The following STK32B variants were observed in gnomAD, a reference collection of about 807,000 sequenced individuals.
The protein encoded by STK32B is serine/threonine kinase 32B.
In STK32B, 43 loss-of-function variants were observed where a neutral mutation model predicts 52.6. The ratio of observed to expected loss-of-function variants is 0.82; its 90% CI spans 0.64 to 1.05. The LOEUF is 1.05. Ranked by LOEUF, STK32B falls within the 50% of genes least tolerant of loss-of-function variation. The pLI, the probability that STK32B is intolerant of heterozygous loss-of-function variation, is 0.00. For missense variants in STK32B, 621 were observed against 534.6 expected (o/e 1.16, Z -1.59); for synonymous variants, 238 against 204.3 (o/e 1.17, Z -1.41).
upstream of STK32B, among the ~76,000 whole-genome samples, chr4:5,048,443 C>T (rs1741658360): frequency 6.6e-6 from 1 of 152,046 alleles, no homozygotes; most frequent in South Asian, 2.1e-4. Flanking sequence ...GTCACAGGTG[C>T]CTGCCACCAC....
intron 3 of STK32B, among the ~76,000 whole-genome samples, chr4:5,319,767 C>T (rs1035069770): frequency 2.0e-5 from 3 of 152,124 alleles, no homozygotes; most frequent in Non-Finnish European, 4.4e-5. Context: ...AATGTCTTCT[C>T]AGAATCCCTG....
At chr4:5,423,555 T>C (rs1252487224) in intron 6 of STK32B, among the ~76,000 whole-genome samples, 1 of 152,204 alleles carries the variant, frequency 6.6e-6, no homozygotes, top group Non-Finnish European at 1.5e-5. Context: ...AATAGTTCGA[T>C]AATTATTTAG....
chr4:5,184,658 A>C (rs1720600637), intron 3 of STK32B, among the ~76,000 whole-genome samples: 1 of 143,884 alleles, frequency 7.0e-6, no homozygotes, highest in African/African-American at 2.6e-5. Flanking sequence ...ACTGCATTCC[A>C]GCCTGGTGAC....
intron 11 of STK32B, among the ~76,000 whole-genome samples, chr4:5,472,339 A>T (rs1717909555): frequency 6.6e-6 from 1 of 152,196 alleles, no homozygotes; most frequent in South Asian, 2.1e-4. Context: ...ACCTCTCTGG[A>T]CCTTTGTTTC....
chr4:5,247,911 C>G lies in STK32B; in HGVS notation c.260+79461C>G, dbSNP rs147236278. ...TGCAGCTTTTCTTCTTGCATAGACC[C>G]AGGGCCTTGGCTCATCTCCTTGGGG... On this transcript the variant is annotated intron_variant, in intron 3 of 11. Coordinates refer to ENST00000282908, the MANE Select transcript of STK32B (RefSeq NM_018401.3). Among the ~76,000 whole-genome samples the G allele has an allele frequency of 5.0e-3, 757 of 152,290 alleles. 2 individuals are homozygous for G. The highest frequency in any genetic ancestry group is 6.9e-3 in the Non-Finnish European group (467 of 68,028).
rs148746617 is a variant in STK32B at position 5,100,578 on chromosome 4, C to T, written c.53-39327C>T. On this transcript the variant is annotated intron_variant, in intron 1 of 11. Coordinates refer to ENST00000282908, the MANE Select transcript of STK32B (RefSeq NM_018401.3). The stretch of plus-strand genomic sequence containing the variant: ...TCCTTCCTTCCTTCCTCCTCCCTTG[C>T]CTGCCTCCCTCCCTTCTTCCTTTCT... 3.6e-5 allele frequency among the ~76,000 whole-genome samples: 5 copies of T among 137,380 alleles called. No homozygotes were observed. The East Asian group carries it at 1.1e-3, about 31-fold the overall frequency. 90.1% of individuals were successfully genotyped at this position (137,380 alleles called of 152,430 possible). A position where few individuals can be genotyped will look rare whatever the true frequency, so the allele number is the denominator to read the frequency against.
At chr4:5,281,182 A>T (rs1728171322) in intron 3 of STK32B, among the ~76,000 whole-genome samples, 1 of 152,050 alleles carries the variant, frequency 6.6e-6, no homozygotes, top group Non-Finnish European at 1.5e-5. Flanking sequence ...AGCAAGGGGG[A>T]AATCTGTCCC....
intron 3 of STK32B, among the ~76,000 whole-genome samples, chr4:5,225,492 G>A (rs537205276): frequency 3.1e-4 from 47 of 152,250 alleles, no homozygotes; most frequent in African/African-American, 1.1e-3. Flanking sequence ...TTTTAAAATA[G>A]CTTCCCCTTA....
Position 5,079,747 on chromosome 4 carries a change from TG to T in STK32B, c.52+27835del, listed in dbSNP as rs566407308. ...CTGCATGACCCCTACTGTTCCCAGCTGGGCCAGGCCACTGTACTCTTTTGTC... is the reference window on the plus strand; with the variant it reads ...CTGCATGACCCCTACTGTTCCCAGCTGGCCAGGCCACTGTACTCTTTTGTC... On this transcript the variant is annotated intron_variant, in intron 1 of 11. Coordinates refer to ENST00000282908, the MANE Select transcript of STK32B (RefSeq NM_018401.3). Among the ~76,000 whole-genome samples the T allele has an allele frequency of 4.7e-3, 718 of 152,302 alleles. 8 individuals carry two copies. Among genetic ancestry groups the T allele is most frequent in the African/African-American group, 0.014 (591 of 41,554 alleles).
intron 3 of STK32B, among the ~76,000 whole-genome samples, chr4:5,256,520 G>A (rs1181110875): frequency 2.0e-5 from 3 of 152,124 alleles, no homozygotes; most frequent in African/African-American, 7.2e-5. Context: ...TTGAGTAAAT[G>A]AGCTATATCC....
chr4:5,210,797 CTTT>C (rs373764187), intron 3 of STK32B, among the ~76,000 whole-genome samples: 6 of 142,992 alleles, frequency 4.2e-5, no homozygotes, highest in Admixed American at 7.0e-5. Context: ...TTTAGAAATA[CTTT>C]TTTTTTTTTT....
At position 5,469,168 on chromosome 4, in the gene STK32B, G is replaced by A. The variant is rs1717667647; in HGVS notation, c.1106+1098G>A. 6.6e-6 allele frequency among the ~76,000 whole-genome samples: 1 copy of A among 152,230 alleles called. No homozygotes were observed. The highest frequency in any genetic ancestry group is 2.1e-4 in the South Asian group (1 of 4,832). ...GGACCCACACTAAGCCAAGCTTTGG[G>A]TTGGTGGAGGCAAATCAGAGATGCT... On this transcript the variant is annotated intron_variant, in intron 11 of 11. Transcript: ENST00000282908. The surrounding 1 kb of genome is among the most constrained non-coding windows in gnomAD (Gnocchi z 4.7).
intron 3 of STK32B, among the ~76,000 whole-genome samples, chr4:5,189,307 G>C (rs1023125102): frequency 6.6e-6 from 1 of 152,194 alleles, no homozygotes; most frequent in Admixed American, 6.5e-5. Flanking sequence ...GTGATCCACT[G>C]ATTCATCCCT....
rs764227685 is a variant in STK32B, at chr4:5,168,293, G to A, written c.109-6G>A. 34 of 1,606,976 alleles carry A rather than the reference G, an allele frequency of 2.1e-5. No individual in the cohort carries two copies. Among genetic ancestry groups the A allele is most frequent in the East Asian group, 8.9e-5 (4 of 44,724 alleles). On this transcript the variant is annotated splice_region_variant and splice_polypyrimidine_tract_variant and intron_variant, in intron 2 of 11. Transcript: ENST00000282908. ...CTGACTGTTCTCTCCTTTGGCTGTC[G>A]CTCAGGTATGCATCGTGCAGAAGCG...
intron 5 of STK32B, among the ~76,000 whole-genome samples, chr4:5,408,358 G>C (rs759387624): frequency 6.6e-6 from 1 of 151,998 alleles, no homozygotes; most frequent in Non-Finnish European, 1.5e-5. Context: ...AATGCAGGTA[G>C]CACCTACCCC....
chr4:5,165,498 A>G (rs1718799782), intron 2 of STK32B, among the ~76,000 whole-genome samples: 1 of 152,196 alleles, frequency 6.6e-6, no homozygotes, highest in African/African-American at 2.4e-5. Context: ...ACTGTCTCCC[A>G]GCCTAAGCTT....
chr4:5,121,251 G>A (rs1715009189), intron 1 of STK32B, among the ~76,000 whole-genome samples: 1 of 152,136 alleles, frequency 6.6e-6, no homozygotes, highest in Non-Finnish European at 1.5e-5. Flanking sequence ...AATCCATTTT[G>A]TTCCTTTCTA....
At chr4:5,228,729 A>T (rs1229928165) in intron 3 of STK32B, among the ~76,000 whole-genome samples, 3 of 152,160 alleles carry the variant, frequency 2.0e-5, no homozygotes, top group Non-Finnish European at 4.4e-5. Context: ...GCACTTTGGG[A>T]GGCCGAAAAG....
rs1449836055 is a variant in STK32B at position 5,386,911 on chromosome 4, G to A, written c.435-11296G>A. ...AAAGCTGGATGAGGAACATGAGGCC[G>A]TGGCCTGAGCGTCTTCACAGAAATA... On this transcript the variant is annotated intron_variant, in intron 4 of 11. Coordinates refer to ENST00000282908, the MANE Select transcript of STK32B (RefSeq NM_018401.3). The surrounding 1 kb of genome is among the most constrained non-coding windows in gnomAD (Gnocchi z 4.5). Among the ~76,000 whole-genome samples, 3 of 152,188 alleles carry A rather than the reference G, an allele frequency of 2.0e-5. No homozygotes were observed. Among genetic ancestry groups the A allele is most frequent in the African/African-American group, 7.2e-5 (3 of 41,444 alleles).
Sources: allele counts gnomAD v4.1 joint callset (sites outside exome capture counted in the v4.1 genomes callset), GRCh38; gene constraint gnomAD v4.1.1; non-coding constraint Gnocchi (gnomAD v3.1); transcripts MANE v1.5; gene names NCBI Gene and HGNC (gene_info 2026-07-23, HGNC 2026-07-21).